CGNL1: variants seen among roughly 807,000 people sequenced by gnomAD.
The protein encoded by CGNL1 is cingulin-like protein 1.
A neutral mutation model predicts 141.2 loss-of-function variants in CGNL1; 132 were observed. The ratio of observed to expected loss-of-function variants is 0.93; its 90% CI spans 0.81 to 1.08. The LOEUF is 1.08. Among genes scored for constraint, CGNL1 ranks in the 50% least tolerant of loss-of-function variants. The pLI is 0.00. For synonymous variants in CGNL1, 690 were observed against 622.1 expected, an observed-to-expected ratio of 1.11 and a Z score of -1.63; for missense variants, 1,870 against 1,588.6, an observed-to-expected ratio of 1.18 and a Z score of -3.01.
intron 8 of CGNL1, among the ~76,000 whole-genome samples, chr15:57,481,517 G>T: frequency 6.6e-6 from 1 of 152,110 alleles, no homozygotes; most frequent in Admixed American, 6.6e-5. Flanking sequence ...TGTATCAACA[G>T]GTTCTTTCCT....
intron 8 of CGNL1, 104 bp downstream of exon 8, chr15:57,461,996 G>A: frequency 3.6e-6 from 3 of 835,536 alleles, no homozygotes; most frequent in Non-Finnish European, 5.9e-6. Context: ...ATTAGAGAGT[G>A]AATCTCAATT....
chr15:57,441,982 T>C (rs565887816), intron 3 of CGNL1, among the ~76,000 whole-genome samples: 3 of 152,016 alleles, frequency 2.0e-5, no homozygotes, highest in Non-Finnish European at 4.4e-5. Flanking sequence ...TTTGTGTGTG[T>C]GAGAGAGATA....
At chr15:57,481,017 A>G (rs1193918787) in intron 8 of CGNL1, among the ~76,000 whole-genome samples, 5 of 150,292 alleles carry the variant, frequency 3.3e-5, no homozygotes, top group Non-Finnish European at 3.0e-5. Flanking sequence ...CTCAACCAAT[A>G]AATAGTATGT....
chr15:57,485,793 G>A (rs1440351151), intron 8 of CGNL1, among the ~76,000 whole-genome samples: 5 of 152,146 alleles, frequency 3.3e-5, no homozygotes, highest in African/African-American at 1.2e-4. Flanking sequence ...ACATTTGGAG[G>A]ATCTTTTCAG....
intron 4 of CGNL1, among the ~76,000 whole-genome samples, chr15:57,447,351 G>T (rs1399027295): frequency 6.6e-6 from 1 of 152,094 alleles, no homozygotes; most frequent in Non-Finnish European, 1.5e-5. Flanking sequence ...TACTTTTCGT[G>T]GGCATTGTTT....
intron 1 of CGNL1, among the ~76,000 whole-genome samples, chr15:57,393,080 G>A (rs1179292037): frequency 3.3e-5 from 5 of 152,164 alleles, no homozygotes; most frequent in African/African-American, 1.2e-4. Flanking sequence ...TAATGGCAAG[G>A]GTGGAAGGAG....
intron 1 of CGNL1, among the ~76,000 whole-genome samples, chr15:57,419,251 A>T (rs1013774862): frequency 2.0e-5 from 3 of 150,040 alleles, no homozygotes; most frequent in Admixed American, 6.6e-5. Flanking sequence ...ACATTGCTTT[A>T]AAAAAAACCC....
intron 1 of CGNL1, among the ~76,000 whole-genome samples, chr15:57,385,187 G>A (rs1429348100): frequency 6.6e-6 from 1 of 152,160 alleles, no homozygotes; most frequent in Non-Finnish European, 1.5e-5. Context: ...TAAGGTTCAA[G>A]TCCACCATCC....
intron 8 of CGNL1, among the ~76,000 whole-genome samples, chr15:57,498,815 G>C (rs535152844): frequency 6.6e-6 from 1 of 152,218 alleles, no homozygotes; most frequent in South Asian, 2.1e-4. Flanking sequence ...TGGGGTGGGA[G>C]GAAGTATGGT....
rs1445091694 is a variant in CGNL1 at position 57,401,472 on chromosome 15, TG to T, written c.-16+24907del. Among the ~76,000 whole-genome samples, 7 of 152,236 alleles carry T rather than the reference TG, an allele frequency of 4.6e-5. No homozygotes were observed. In the East Asian group the frequency reaches 1.3e-3, roughly 29 times the overall value. ...TTAAAAAGTTCCCAAGTGATTCTGC[TG>T]GTGCCCGAGTTCTAGCATGCCTAAG... On this transcript the variant is annotated intron_variant, in intron 1 of 18. Transcript: ENST00000281282.
chr15:57,460,503 C>G (rs1286194191), intron 7 of CGNL1, among the ~76,000 whole-genome samples: 3 of 152,150 alleles, frequency 2.0e-5, no homozygotes, highest in Non-Finnish European at 2.9e-5. Flanking sequence ...AAGATACTAC[C>G]TGAGACTGGG....
At chr15:57,389,946 G>T (rs1181591353) in intron 1 of CGNL1, among the ~76,000 whole-genome samples, 3 of 152,230 alleles carry the variant, frequency 2.0e-5, no homozygotes, top group Non-Finnish European at 4.4e-5. Context: ...CTCCCAAGGA[G>T]CTGGGATTAC....
intron 1 of CGNL1, among the ~76,000 whole-genome samples, chr15:57,398,763 T>C (rs1236353978): frequency 6.6e-6 from 1 of 152,210 alleles, no homozygotes; most frequent in African/African-American, 2.4e-5. Flanking sequence ...AAGATTAAAA[T>C]GTGGGAAGAG....
intron 1 of CGNL1, among the ~76,000 whole-genome samples, chr15:57,400,887 TAAAAA>T (rs35735890): frequency 1.3e-5 from 1 of 77,906 alleles, no homozygotes; most frequent in Non-Finnish European, 2.4e-5. Context: ...TGTCTCAAAT[TAAAAA>T]AAAAAAAAAA....
Position 57,524,717 on chromosome 15 carries a change from A to AT in CGNL1, c.3005_3006insT (p.Lys1002AsnfsTer12). 6.2e-7 allele frequency: 1 copy of AT among 1,614,214 alleles called. No individual in the cohort carries two copies. The highest frequency in any genetic ancestry group is 1.1e-5 in the South Asian group (1 of 91,080). ...AAGGAGAAAACGCTGGAGGCAGAAA[A>AT]GTCCCGACTGACAGCCATGAAAATG... On this transcript the variant is annotated frameshift_variant, in exon 12 of 19. Coordinates refer to ENST00000281282, the MANE Select transcript of CGNL1 (RefSeq NM_032866.5). LOFTEE classifies it high-confidence loss of function.
At chr15:57,528,859 G>A (rs1177051890) in intron 13 of CGNL1, 44 bp downstream of exon 13, 32 of 1,591,736 alleles carry the variant, frequency 2.0e-5, no homozygotes, top group African/African-American at 9.5e-5. Flanking sequence ...TGCAGAGAGC[G>A]AGGCTGGGCC....
chr15:57,416,342 G>T (rs1281327495), intron 1 of CGNL1, among the ~76,000 whole-genome samples: 1 of 151,892 alleles, frequency 6.6e-6, no homozygotes, highest in Non-Finnish European at 1.5e-5. Flanking sequence ...GCTTGTTTAG[G>T]CAGAAGAGGT....
intron 1 of CGNL1, among the ~76,000 whole-genome samples, chr15:57,419,119 A>G (rs1172885939): frequency 6.6e-6 from 1 of 152,054 alleles, no homozygotes; most frequent in Non-Finnish European, 1.5e-5. Flanking sequence ...TTTAGTAGAG[A>G]CGGGGTTTCA....
chr15:57,537,821 T>C (rs1166300921), intron 14 of CGNL1, among the ~76,000 whole-genome samples: 3 of 152,270 alleles, frequency 2.0e-5, no homozygotes, highest in African/African-American at 7.2e-5. Context: ...GATATACTTT[T>C]GCCTTCAGCT....
Sources: gnomAD v4.1 joint callset for allele counts (sites outside exome capture counted in the v4.1 genomes callset) on GRCh38, gnomAD v4.1.1 for gene constraint, MANE v1.5 for transcripts, NCBI Gene and HGNC (gene_info 2026-07-23, HGNC 2026-07-21) for gene names.